The following RAPGEF5 variants were observed in gnomAD, a reference collection of about 807,000 sequenced individuals.
RAPGEF5 encodes M-Ras-regulated GEF.
RAPGEF5 carries 65 observed loss-of-function variants against 125.2 expected under a neutral mutation model. The observed-to-expected ratio is 0.52, with a 90% CI of 0.43 to 0.64. The LOEUF is 0.64. Ranked by LOEUF, RAPGEF5 falls within the 30% of genes least tolerant of loss-of-function variation. The pLI is 0.00. For synonymous variants in RAPGEF5, 391 were observed against 385.9 expected (o/e 1.01, Z -0.16); for missense variants, 958 against 1,048.1 (o/e 0.91, Z 1.19).
intron 16 of RAPGEF5, among the ~76,000 whole-genome samples, 151 bp from the exon 17 acceptor site, chr7:22,154,755 T>C (rs567597946): frequency 6.6e-6 from 1 of 152,300 alleles, no homozygotes; most frequent in African/African-American, 2.4e-5. Flanking sequence ...ATTTTTTATA[T>C]ATGTACATGA....
chr7:22,153,793 C>T (rs1369143139), intron 17 of RAPGEF5, among the ~76,000 whole-genome samples: 1 of 151,932 alleles, frequency 6.6e-6, no homozygotes, highest in Admixed American at 6.6e-5. Context: ...GATTGCAAAC[C>T]AAAAAAGGAG....
chr7:22,353,392 G>A (rs1052236912), intron 1 of RAPGEF5, among the ~76,000 whole-genome samples: 1 of 152,118 alleles, frequency 6.6e-6, no homozygotes, highest in Admixed American at 6.5e-5. Context: ...AATATTTTAG[G>A]TGTGAAAAAG....
At chr7:22,142,268 C>T (rs1783287616) in intron 20 of RAPGEF5, among the ~76,000 whole-genome samples, 1 of 152,208 alleles carries the variant, frequency 6.6e-6, no homozygotes, top group Non-Finnish European at 1.5e-5. Flanking sequence ...ATCATTTTTA[C>T]ATTCTGCCCA....
At chr7:22,204,454 TTG>T (rs371368579) in intron 9 of RAPGEF5, among the ~76,000 whole-genome samples, 12 of 152,082 alleles carry the variant, frequency 7.9e-5, no homozygotes, top group African/African-American at 2.7e-4. Flanking sequence ...GAGGAAATGC[TTG>T]TGTGTGTGTG....
chr7:22,136,496 G>A (rs1430100471), intron 22 of RAPGEF5, among the ~76,000 whole-genome samples: 3 of 151,290 alleles, frequency 2.0e-5, no homozygotes, highest in Non-Finnish European at 4.4e-5. Context: ...TCCTTGTAAC[G>A]CACAGAAAAT....
At chr7:22,340,433 CA>C (rs1459437444) in intron 1 of RAPGEF5, among the ~76,000 whole-genome samples, 1 of 152,206 alleles carries the variant, frequency 6.6e-6, no homozygotes, top group Non-Finnish European at 1.5e-5. Context: ...TTCTGAAGAC[CA>C]AACCAGAGAA....
At position 22,175,976 on chromosome 7, in the gene RAPGEF5, T is replaced by C. The variant is rs528258073; in HGVS notation, c.1205-8828A>G. 2.6e-4 allele frequency among the ~76,000 whole-genome samples: 39 copies of C among 152,276 alleles called. No individual in the cohort carries two copies. The South Asian group carries it at 7.7e-3, about 30-fold the overall frequency. On this transcript the variant is annotated intron_variant, in intron 11 of 25. Coordinates refer to ENST00000665637, the MANE Select transcript of RAPGEF5 (RefSeq NM_012294.5). ...TATTTACTTTTTTTTCATGTATTAG[T>C]ACGTTCTCATGCTGCTAATAAAGAC...
chr7:22,239,769 G>T (rs556437384), intron 7 of RAPGEF5, among the ~76,000 whole-genome samples: 1 of 152,060 alleles, frequency 6.6e-6, no homozygotes, highest in South Asian at 2.1e-4. Context: ...TGATAATGTC[G>T]TTAGAGCAAA....
chr7:22,183,297 A>G (rs1405663200), intron 11 of RAPGEF5, among the ~76,000 whole-genome samples: 1 of 142,958 alleles, frequency 7.0e-6, no homozygotes, highest in Admixed American at 7.0e-5. Context: ...AAAAAAAAAG[A>G]TTTTTATATT....
intron 6 of RAPGEF5, among the ~76,000 whole-genome samples, chr7:22,285,138 C>A (rs987320284): frequency 6.6e-6 from 1 of 152,140 alleles, no homozygotes; most frequent in African/African-American, 2.4e-5. Flanking sequence ...TGCAGCTGAC[C>A]GGGAGCCGCG....
At chr7:22,247,083 T>C (rs1026324053) in intron 7 of RAPGEF5, among the ~76,000 whole-genome samples, 1 of 152,176 alleles carries the variant, frequency 6.6e-6, no homozygotes, top group Admixed American at 6.5e-5. Context: ...AGACAACAGA[T>C]GCTGGCAAGA....
chr7:22,147,831 G>A (rs1783492627), intron 18 of RAPGEF5, among the ~76,000 whole-genome samples: 1 of 152,122 alleles, frequency 6.6e-6, no homozygotes, highest in African/African-American at 2.4e-5. Context: ...AAAACAAACA[G>A]AAGGAACCTT....
At chr7:22,139,535 G>A (rs929465802) in intron 21 of RAPGEF5, among the ~76,000 whole-genome samples, 7 of 152,206 alleles carry the variant, frequency 4.6e-5, no homozygotes, top group South Asian at 2.1e-4. Flanking sequence ...AACAGCCTTC[G>A]GCGTGCAGAG....
chr7:22,164,681 C>T (rs1198413405), intron 12 of RAPGEF5, among the ~76,000 whole-genome samples: 1 of 152,086 alleles, frequency 6.6e-6, no homozygotes, highest in Non-Finnish European at 1.5e-5. Flanking sequence ...AGGATACAGA[C>T]ATTCTTTTAC....
chr7:22,273,259 C>T (rs1370049294), intron 6 of RAPGEF5, among the ~76,000 whole-genome samples: 1 of 138,776 alleles, frequency 7.2e-6, no homozygotes, highest in Non-Finnish European at 1.5e-5. Context: ...GGCTCTGTCG[C>T]CCAGGCTTGA....
rs990523032 is a variant in RAPGEF5 at position 22,316,630 on chromosome 7, A to G, written c.283-1154T>C. On this transcript the variant is annotated intron_variant, in intron 2 of 25. Coordinates refer to ENST00000665637, the MANE Select transcript of RAPGEF5 (RefSeq NM_012294.5). ...CTCAGCCTCCTAAGTAGCTGGAACT[A>G]CAAGCACACACCATCAAGCCCAGCT... 3.3e-5 allele frequency among the ~76,000 whole-genome samples: 5 copies of G among 150,938 alleles called. 1 individual carries two copies. Among genetic ancestry groups the G allele is most frequent in the East Asian group, 3.9e-4 (2 of 5,154 alleles).
At chr7:22,278,331 C>A (rs1282819122) in intron 6 of RAPGEF5, among the ~76,000 whole-genome samples, 1 of 152,152 alleles carries the variant, frequency 6.6e-6, no homozygotes, top group Non-Finnish European at 1.5e-5. Context: ...ATCAAGACGT[C>A]CATAAGTTTT....
chr7:22,179,478 T>C lies in RAPGEF5; in HGVS notation c.1205-12330A>G, dbSNP rs527715810. Among the ~76,000 whole-genome samples the C allele has an allele frequency of 1.1e-3, 172 of 152,268 alleles. 2 individuals carry two copies. In the East Asian group the frequency reaches 0.029, roughly 25 times the overall value. On this transcript the variant is annotated intron_variant, in intron 11 of 25. Coordinates refer to ENST00000665637, the MANE Select transcript of RAPGEF5 (RefSeq NM_012294.5). ...AGATAATCCAAACCACTTCACAGGC[T>C]TTTTAAAAAAATGACTATGTCAGAG...
intron 15 of RAPGEF5, 110 bp downstream of exon 15, chr7:22,157,745 C>T (rs1783854367): frequency 1.0e-5 from 13 of 1,240,926 alleles, no homozygotes; most frequent in Non-Finnish European, 1.4e-5. Flanking sequence ...CCCGCCTTGT[C>T]GTGTTCTGCT....
Sources: gnomAD v4.1 joint callset for allele counts (sites outside exome capture counted in the v4.1 genomes callset) on GRCh38, gnomAD v4.1.1 for gene constraint, MANE v1.5 for transcripts, NCBI Gene and HGNC (gene_info 2026-07-23, HGNC 2026-07-21) for gene names.